AVEN: variants seen among roughly 807,000 people sequenced by gnomAD.
AVEN encodes the protein apoptosis and caspase activation inhibitor.
Under a neutral mutation model 38.1 loss-of-function variants are expected in AVEN, and 41 were observed. The ratio of observed to expected loss-of-function variants is 1.08; its 90% confidence interval spans 0.84 to 1.40. The LOEUF (loss-of-function observed/expected upper bound fraction) is 1.40, where lower values mean the gene tolerates loss of function less well. AVEN is among the 40% of genes most tolerant of loss of function. The pLI is 0.00. For synonymous variants in AVEN, 206 were observed against 171.8 expected, an observed-to-expected ratio of 1.20 and a Z score of -1.56; for missense variants, 605 against 438.8, an observed-to-expected ratio of 1.38 and a Z score of -3.38.
intron 2 of AVEN, among the ~76,000 whole-genome samples, chr15:33,958,824 G>A (rs1276710139): frequency 6.6e-6 from 1 of 152,044 alleles, no homozygotes; most frequent in East Asian, 1.9e-4. Context: ...CCTCTAAACT[G>A]CTAGAGCTAT....
chr15:34,029,403 G>A (rs76402453), intron 1 of AVEN, among the ~76,000 whole-genome samples: 3,316 of 151,818 alleles, frequency 0.022, 117 homozygotes, highest in African/African-American at 0.075. Context: ...TTTAGGAACC[G>A]GGCAAGGTGG....
chr15:33,935,547 T>C (rs1045869650), intron 2 of AVEN, among the ~76,000 whole-genome samples: 1 of 152,156 alleles, frequency 6.6e-6, no homozygotes, highest in African/African-American at 2.4e-5. Context: ...TGTGTGTATA[T>C]ATATATGGCA....
upstream of AVEN, among the ~76,000 whole-genome samples, chr15:34,042,763 G>A (rs1899524812): frequency 1.3e-5 from 2 of 152,054 alleles, no homozygotes; most frequent in South Asian, 4.1e-4. Flanking sequence ...TTCTCAAAAT[G>A]TAGGCCAGAA....
upstream of AVEN, among the ~76,000 whole-genome samples, chr15:34,042,561 C>T (rs935135633): frequency 2.6e-5 from 4 of 151,786 alleles, no homozygotes; most frequent in African/African-American, 2.4e-5. Flanking sequence ...CCACCACGCC[C>T]GGCTAATTTT....
intron 2 of AVEN, among the ~76,000 whole-genome samples, chr15:33,940,733 G>A (rs986463114): frequency 1.3e-5 from 2 of 151,970 alleles, no homozygotes; most frequent in African/African-American, 4.8e-5. Context: ...GTAGAGATGG[G>A]GTTTCACCAT....
intron 2 of AVEN, among the ~76,000 whole-genome samples, chr15:33,955,368 T>C (rs547316447): frequency 6.6e-6 from 1 of 152,338 alleles, no homozygotes; most frequent in East Asian, 1.9e-4. Flanking sequence ...TCTTTAGGAA[T>C]GTAAGCAAAC....
intron 1 of AVEN, among the ~76,000 whole-genome samples, chr15:34,036,104 G>GT (rs34150464): frequency 0.15 from 22,243 of 148,968 alleles, 1,988 homozygotes; most frequent in Middle Eastern, 0.28. Context: ...CCAGTTTTGT[G>GT]TTTTTTTTTT....
chr15:34,002,373 T>C (rs80148390), intron 2 of AVEN, among the ~76,000 whole-genome samples: 2,661 of 152,118 alleles, frequency 0.017, 89 homozygotes, highest in African/African-American at 0.061. Flanking sequence ...TTCCAGTTAT[T>C]CTTTAAACTC....
chr15:34,052,872 C>G (rs570214065), intron 5 of AVEN, among the ~76,000 whole-genome samples: 3 of 152,242 alleles, frequency 2.0e-5, no homozygotes, highest in South Asian at 4.2e-4. Flanking sequence ...AAAAACATCC[C>G]ATGCTCATGG....
chr15:34,072,618 T>C (rs1900651061), intron 1 of AVEN, among the ~76,000 whole-genome samples: 1 of 151,082 alleles, frequency 6.6e-6, no homozygotes, highest in African/African-American at 2.4e-5. Flanking sequence ...AAAAAAAAAT[T>C]ACCTGTAATT....
chr15:33,857,122 T>G (rs1168945757), downstream of AVEN, among the ~76,000 whole-genome samples: 1 of 152,166 alleles, frequency 6.6e-6, no homozygotes, highest in Non-Finnish European at 1.5e-5. Flanking sequence ...CCCAATCTAA[T>G]GCCCTATACA....
At chr15:33,912,685 C>T (rs567820042) in intron 2 of AVEN, among the ~76,000 whole-genome samples, 1 of 152,262 alleles carries the variant, frequency 6.6e-6, no homozygotes, top group Middle Eastern at 3.4e-3. Flanking sequence ...TCTTTCACTG[C>T]TAATTGAACA....
chr15:33,961,906 T>A (rs1895206034), intron 2 of AVEN, among the ~76,000 whole-genome samples: 1 of 151,860 alleles, frequency 6.6e-6, no homozygotes, highest in African/African-American at 2.4e-5. Flanking sequence ...AGAAATCTTT[T>A]TAGAAAATTA....
At chr15:33,927,128 G>A (rs534293179) in intron 2 of AVEN, among the ~76,000 whole-genome samples, 16 of 152,066 alleles carry the variant, frequency 1.1e-4, no homozygotes, top group South Asian at 8.3e-4. Context: ...GGTGGCGGGC[G>A]CCTGTAGTCC....
intron 1 of AVEN, among the ~76,000 whole-genome samples, chr15:34,014,448 A>G (rs1210166074): frequency 6.6e-6 from 1 of 150,746 alleles, no homozygotes; most frequent in Admixed American, 6.6e-5. Context: ...TGGTTTTCCC[A>G]GGTCCCCTGA....
chr15:34,028,527 G>T lies in AVEN; in HGVS notation c.267+10253C>A, dbSNP rs182445508. ...CTTTGGTGAGCTATCATCATGCCAT[G>T]GGCACTCCAGCATGGGTAACAAAGT... On this transcript the variant is annotated intron_variant, in intron 1 of 5. Transcript: ENST00000306730. Among the ~76,000 whole-genome samples, 53 of 152,262 alleles carry T rather than the reference G, an allele frequency of 3.5e-4. No homozygotes were observed. The East Asian group carries it at 9.7e-3, about 28-fold the overall frequency.
intron 5 of AVEN, among the ~76,000 whole-genome samples, chr15:34,048,260 G>C (rs756753696): frequency 6.6e-6 from 1 of 152,200 alleles, no homozygotes; most frequent in Admixed American, 6.5e-5. Flanking sequence ...CTCCAGCCAG[G>C]GTTATATGGA....
At chr15:33,865,317 T>A, downstream of AVEN, 1 of 852,194 alleles carries the variant, frequency 1.2e-6, no homozygotes. Flanking sequence ...ATCTGAAATG[T>A]GACATTTTCT....
intron 2 of AVEN, among the ~76,000 whole-genome samples, chr15:33,984,959 T>C (rs907627401): frequency 6.6e-6 from 1 of 152,112 alleles, no homozygotes; most frequent in African/African-American, 2.4e-5. Context: ...ACCAATATTT[T>C]CACCTCAAGA....
Sources: gnomAD v4.1 joint callset for allele counts (sites outside exome capture counted in the v4.1 genomes callset) on GRCh38, gnomAD v4.1.1 for gene constraint, MANE v1.5 for transcripts, NCBI Gene and HGNC (gene_info 2026-07-23, HGNC 2026-07-21) for gene names.